Variants in SOX5 observed in about 807,000 individuals in gnomAD.
SOX5 encodes the protein transcription factor SOX-5.
SOX5 carries 9 observed loss-of-function variants against 92.0 expected under a neutral mutation model. That is an observed-to-expected ratio of 0.10 (90% CI 0.06 to 0.17). The LOEUF (loss-of-function observed/expected upper bound fraction) is 0.17. SOX5 is among the 10% of genes least tolerant of loss of function. The pLI, the probability that SOX5 is intolerant of heterozygous loss-of-function variation, is 1.00. For missense variants in SOX5, 642 were observed against 944.5 expected, an observed-to-expected ratio of 0.68 and a Z score of 4.20; for synonymous variants, 344 against 336.3, an observed-to-expected ratio of 1.02 and a Z score of -0.25.
At chr12:23,821,934 T>A (rs912839964) in intron 3 of SOX5, among the ~76,000 whole-genome samples, 9 of 44,010 alleles carry the variant, frequency 2.0e-4, no homozygotes, top group Non-Finnish European at 3.7e-4. Context: ...TTCTCCGATA[T>A]ATATATATAG....
At chr12:23,972,407 G>C (rs1196101291) in intron 4 of SOX5, among the ~76,000 whole-genome samples, 1 of 152,058 alleles carries the variant, frequency 6.6e-6, no homozygotes, top group Non-Finnish European at 1.5e-5. Context: ...ACCCAGGCTG[G>C]AGTGCAGTGG....
intron 3 of SOX5, among the ~76,000 whole-genome samples, chr12:24,228,615 G>A (rs1049483861): frequency 7.2e-5 from 11 of 152,150 alleles, no homozygotes; most frequent in Non-Finnish European, 1.6e-4. Flanking sequence ...GAGCTATATA[G>A]TACTGGCATC....
intron 1 of SOX5, among the ~76,000 whole-genome samples, chr12:24,513,330 G>C (rs182771476): frequency 6.6e-6 from 1 of 152,344 alleles, no homozygotes; most frequent in African/African-American, 2.4e-5. Context: ...GGAGCAACTG[G>C]TGTCTTTCTT....
chr12:24,364,464 T>C (rs989303503), intron 2 of SOX5, among the ~76,000 whole-genome samples: 10 of 148,742 alleles, frequency 6.7e-5, no homozygotes, highest in African/African-American at 2.0e-4. Context: ...CCCTTAAAAA[T>C]ATCCATTGAT....
At chr12:24,546,799 G>T (rs553571322) in intron 1 of SOX5, among the ~76,000 whole-genome samples, 2 of 152,262 alleles carry the variant, frequency 1.3e-5, no homozygotes, top group Non-Finnish European at 2.9e-5. Flanking sequence ...GTAATAAAAT[G>T]GTCCTTGCAG....
chr12:23,897,820 C>G (rs1158691189), intron 1 of SOX5, among the ~76,000 whole-genome samples: 3 of 152,094 alleles, frequency 2.0e-5, no homozygotes, highest in Non-Finnish European at 2.9e-5. Flanking sequence ...GCCAAAGAAA[C>G]AGACAAAGAG....
chr12:23,958,069 A>T (rs1433090651), intron 4 of SOX5, among the ~76,000 whole-genome samples: 1 of 152,054 alleles, frequency 6.6e-6, no homozygotes, highest in Admixed American at 6.6e-5. Flanking sequence ...TGTAGACTAG[A>T]AAACTATAAG....
chr12:23,689,772 G>A (rs1377164731), intron 6 of SOX5, among the ~76,000 whole-genome samples: 1 of 152,138 alleles, frequency 6.6e-6, no homozygotes, highest in Non-Finnish European at 1.5e-5. Context: ...AAACATGAGA[G>A]AAGAGAATAA....
At chr12:23,798,033 T>C (rs2095596436) in intron 3 of SOX5, among the ~76,000 whole-genome samples, 1 of 152,068 alleles carries the variant, frequency 6.6e-6, no homozygotes, top group African/African-American at 2.4e-5. Context: ...TTTGTTCAAA[T>C]GTCATTTTCT....
At position 23,640,881 on chromosome 12, in the gene SOX5, A is replaced by C; in HGVS notation, c.948T>G (p.Val316=). Reference sequence around the variant, plus strand: ...CTGCCATGGTAGTTGGGATCAGCTGAACAGGGTAAGGGTCACCTAAGTAAG... The same window carrying C: ...CTGCCATGGTAGTTGGGATCAGCTGCACAGGGTAAGGGTCACCTAAGTAAG... The part of the protein sequence containing the change: ...YKAGCSDPYP[V]QLIPTTMAAA... Residue 316 remains valine (V), a synonymous_variant, in exon 8 of 15, where the codon GTT becomes GTG. Transcript: ENST00000451604. 3.7e-6 allele frequency: 6 copies of C among 1,613,768 alleles called. No homozygotes were observed. The highest frequency in any genetic ancestry group is 5.1e-6 in the Non-Finnish European group (6 of 1,179,666).
chr12:24,332,871 T>C (rs1404295114), intron 2 of SOX5, among the ~76,000 whole-genome samples: 2 of 152,068 alleles, frequency 1.3e-5, no homozygotes, highest in African/African-American at 4.8e-5. Context: ...ATAGTAACCA[T>C]ACAGAAAATA....
intron 2 of SOX5, among the ~76,000 whole-genome samples, chr12:23,871,678 T>C (rs2096873522): frequency 6.6e-6 from 1 of 152,186 alleles, no homozygotes; most frequent in African/African-American, 2.4e-5. Context: ...CAAAATATTT[T>C]AAAATTATAT....
At chr12:23,868,887 C>T (rs1251044153) in intron 2 of SOX5, among the ~76,000 whole-genome samples, 1 of 152,092 alleles carries the variant, frequency 6.6e-6, no homozygotes, top group Non-Finnish European at 1.5e-5. Flanking sequence ...TACTCCAAAC[C>T]TCTTATGACT....
rs561302590 is a variant in SOX5, at chr12:23,772,528, C to T, written c.482-16804G>A. ...ATAAAAGAAAAAGTTCTCTCAAATGCGCAATGAAAACCTTTTATATAGCAG... is the reference window on the plus strand; with the variant it reads ...ATAAAAGAAAAAGTTCTCTCAAATGTGCAATGAAAACCTTTTATATAGCAG... On this transcript the variant is annotated intron_variant, in intron 3 of 14. Transcript: ENST00000451604. 5.9e-5 allele frequency among the ~76,000 whole-genome samples: 9 copies of T among 152,204 alleles called. No individual in the cohort carries two copies. The South Asian group carries it at 8.3e-4, about 14-fold the overall frequency.
At chr12:23,696,193 T>C (rs561709572) in intron 6 of SOX5, among the ~76,000 whole-genome samples, 1 of 152,056 alleles carries the variant, frequency 6.6e-6, no homozygotes, top group Non-Finnish European at 1.5e-5. Flanking sequence ...AAAGTTTGTA[T>C]AAAATTGGCA....
At chr12:24,116,508 G>C (rs1234138107) in intron 4 of SOX5, among the ~76,000 whole-genome samples, 1 of 152,036 alleles carries the variant, frequency 6.6e-6, no homozygotes, top group African/African-American at 2.4e-5. Flanking sequence ...AGTAGTCTCA[G>C]TAATTCTTTC....
intron 13 of SOX5, among the ~76,000 whole-genome samples, chr12:23,541,909 G>C (rs1284646608): frequency 6.6e-6 from 1 of 152,150 alleles, no homozygotes; most frequent in African/African-American, 2.4e-5. Flanking sequence ...TCAGAACTTC[G>C]AGGCCAGCCT....
intron 1 of SOX5, among the ~76,000 whole-genome samples, chr12:23,933,517 C>A (rs1180180966): frequency 6.6e-6 from 1 of 151,558 alleles, no homozygotes. Flanking sequence ...CATGAGAAAG[C>A]ATGTAAAGTT....
intron 3 of SOX5, among the ~76,000 whole-genome samples, chr12:23,805,473 C>G (rs1009539576): frequency 2.0e-5 from 3 of 151,938 alleles, no homozygotes; most frequent in South Asian, 2.1e-4. Flanking sequence ...CTACTGTTAT[C>G]AAAAAGTAGC....
Sources: gnomAD v4.1 joint callset for allele counts (sites outside exome capture counted in the v4.1 genomes callset) on GRCh38, gnomAD v4.1.1 for gene constraint, MANE v1.5 for transcripts, NCBI Gene and HGNC (gene_info 2026-07-23, HGNC 2026-07-21) for gene names.